Variants in SAMD3 observed in about 807,000 individuals in gnomAD.
SAMD3 encodes the protein sterile alpha motif domain containing 3.
In SAMD3, 63 loss-of-function variants were observed where a neutral mutation model predicts 58.5. That is an observed-to-expected ratio of 1.08 (90% confidence interval 0.88 to 1.33). SAMD3 has a LOEUF of 1.33. SAMD3 is among the 40% of genes most tolerant of loss of function. SAMD3 has a pLI of 0.00. For synonymous variants in SAMD3, 220 were observed against 210.3 expected (o/e 1.05, Z -0.40); for missense variants, 604 against 608.4 (o/e 0.99, Z 0.08).
intron 4 of SAMD3, among the ~76,000 whole-genome samples, chr6:130,214,021 A>G (rs190615890): frequency 6.6e-6 from 1 of 152,290 alleles, no homozygotes; most frequent in Admixed American, 6.5e-5. Context: ...TTTTAAAACC[A>G]GAGCTTCAGG....
chr6:130,212,672 C>T (rs1168309557), intron 4 of SAMD3, among the ~76,000 whole-genome samples: 1 of 152,188 alleles, frequency 6.6e-6, no homozygotes, highest in Non-Finnish European at 1.5e-5. Flanking sequence ...GCCCAGGTTT[C>T]CTGGCAGTCC....
Position 130,344,969 on chromosome 6 carries a change from C to T in SAMD3, c.-304+20151G>A, listed in dbSNP as rs193234298. Among the ~76,000 whole-genome samples, 512 of 150,868 alleles carry T rather than the reference C, an allele frequency of 3.4e-3. 4 individuals carry two copies. The highest frequency in any genetic ancestry group is 0.012 in the African/African-American group (489 of 41,142). ...CTCCTCTACCAAAATGTCTGCACAA[C>T]TTGTTTTTATCACAGTACACAAATG... On this transcript the variant is annotated intron_variant, in intron 1 of 13. Coordinates refer to the SAMD3 transcript ENST00000368134.
chr6:130,325,367 C>T (rs1776723297), intron 1 of SAMD3, among the ~76,000 whole-genome samples: 1 of 152,114 alleles, frequency 6.6e-6, no homozygotes, highest in Non-Finnish European at 1.5e-5. Context: ...GGCTGGAGAA[C>T]CTGGAGGTCT....
intron 1 of SAMD3, among the ~76,000 whole-genome samples, chr6:130,362,358 C>T (rs115499372): frequency 6.6e-6 from 1 of 152,276 alleles, no homozygotes; most frequent in East Asian, 1.9e-4. Context: ...CAGGCACTAA[C>T]GAAAGAATGA....
chr6:130,165,962 G>A (rs1384702761), intron 8 of SAMD3, among the ~76,000 whole-genome samples: 2 of 152,000 alleles, frequency 1.3e-5, no homozygotes, highest in East Asian at 1.9e-4. Flanking sequence ...GACCAGATAC[G>A]ACCTCCTTCA....
chr6:130,174,766 C>A (rs1791572259), intron 8 of SAMD3, among the ~76,000 whole-genome samples: 1 of 152,134 alleles, frequency 6.6e-6, no homozygotes, highest in South Asian at 2.1e-4. Context: ...GTCTTTTTGT[C>A]AAAGAACAGT....
At chr6:130,241,825 T>A (rs1014734547) in intron 2 of SAMD3, among the ~76,000 whole-genome samples, 3 of 152,238 alleles carry the variant, frequency 2.0e-5, no homozygotes. Context: ...TTTTTAATTT[T>A]AATTTTTTTT....
intron 1 of SAMD3, among the ~76,000 whole-genome samples, chr6:130,355,337 T>C (rs1413789806): frequency 6.6e-6 from 1 of 152,106 alleles, no homozygotes; most frequent in East Asian, 1.9e-4. Context: ...GGCAGGAGAA[T>C]CATTTGAACC....
chr6:130,321,627 C>T (rs998758472), intron 1 of SAMD3, among the ~76,000 whole-genome samples: 1 of 152,068 alleles, frequency 6.6e-6, no homozygotes, highest in African/African-American at 2.4e-5. Flanking sequence ...TGTTTTTTCT[C>T]ATTCAAGACA....
intron 1 of SAMD3, among the ~76,000 whole-genome samples, chr6:130,351,791 T>G (rs1050386364): frequency 6.6e-6 from 1 of 152,030 alleles, no homozygotes; most frequent in Non-Finnish European, 1.5e-5. Flanking sequence ...CTATTCACAA[T>G]AGCAAAGATT....
At position 130,342,537 on chromosome 6, in the gene SAMD3, G is replaced by A. The variant is rs1282965044; in HGVS notation, c.-304+22583C>T. On this transcript the variant is annotated intron_variant, in intron 1 of 13. Transcript: ENST00000368134. ...CTTTAGAGACTCTGTAAACTACAGT[G>A]TATTCTTATTTTTTAAGGAATTTCT... Among the ~76,000 whole-genome samples the A allele has an allele frequency of 3.9e-5, 6 of 152,066 alleles. No homozygotes were observed. In the South Asian group the frequency reaches 1.0e-3, roughly 26 times the overall value.
At chr6:130,229,036 T>C (rs1325287563) in intron 2 of SAMD3, among the ~76,000 whole-genome samples, 1 of 152,200 alleles carries the variant, frequency 6.6e-6, no homozygotes, top group Non-Finnish European at 1.5e-5. Context: ...AGGACTTCCC[T>C]AGACTGGAGA....
intron 8 of SAMD3, among the ~76,000 whole-genome samples, chr6:130,168,070 C>G (rs1790884640): frequency 6.6e-6 from 1 of 152,128 alleles, no homozygotes; most frequent in Admixed American, 6.6e-5. Context: ...AGATCTGCCC[C>G]CTCTGCTCAG....
intron 5 of SAMD3, among the ~76,000 whole-genome samples, chr6:130,195,299 C>T (rs1443275419): frequency 2.0e-5 from 3 of 152,126 alleles, no homozygotes; most frequent in Non-Finnish European, 4.4e-5. Flanking sequence ...TCATTAAAAC[C>T]TAATCACCTT....
At chr6:130,351,283 A>G (rs1216876950) in intron 1 of SAMD3, among the ~76,000 whole-genome samples, 1 of 152,230 alleles carries the variant, frequency 6.6e-6, no homozygotes, top group African/African-American at 2.4e-5. Flanking sequence ...ATCAGAGTGA[A>G]CAGGCAACCT....
rs1283081257 is a variant in SAMD3 at position 130,144,413 on chromosome 6, A to G, written c.*107T>C. The G allele has an allele frequency of 8.2e-6, 8 of 974,794 alleles. No homozygotes were observed. Among genetic ancestry groups the G allele is most frequent in the Non-Finnish European group, 1.1e-5 (7 of 658,722 alleles). 60.4% of individuals were successfully genotyped at this position (974,794 alleles called of 1,614,324 possible). A position where few individuals can be genotyped will look rare whatever the true frequency, so the allele number is the denominator to read the frequency against. On this transcript the variant is annotated 3_prime_UTR_variant, in exon 12 of 12. Coordinates refer to ENST00000439090, the MANE Select transcript of SAMD3 (RefSeq NM_001017373.4). ...AAATTCATTAGCATCTATAAATACA[A>G]GATGATTTTCTCATACCTACCTCTA...
chr6:130,308,359 T>TATTCTATTCTATTCTATTCTATTC lies in SAMD3; in HGVS notation c.-188+4595_-188+4618dup, dbSNP rs1562512700. Among the ~76,000 whole-genome samples, 54 of 24,280 alleles carry TATTCTATTCTATTCTATTCTATTC rather than the reference T, an allele frequency of 2.2e-3. 1 individual carries two copies. The highest frequency in any genetic ancestry group is 7.8e-3 in the African/African-American group (54 of 6,948). The allele number at this position is 24,280 out of a possible 152,430, so 15.9% of individuals were successfully genotyped here. ...TTGGCAAGTTCATAGAATTCTATTC[T>TATTCTATTCTATTCTATTCTATTC]ATTCTATTCTATTCTATTCTATTCT... On this transcript the variant is annotated intron_variant, in intron 2 of 13. Coordinates refer to the SAMD3 transcript ENST00000368134.
intron 2 of SAMD3, among the ~76,000 whole-genome samples, chr6:130,287,888 T>G (rs1471308444): frequency 6.7e-6 from 1 of 148,484 alleles, no homozygotes; most frequent in Admixed American, 6.8e-5. Flanking sequence ...GAGGTTGCAG[T>G]GAGCTGAGAT....
intron 2 of SAMD3, among the ~76,000 whole-genome samples, chr6:130,261,103 T>A (rs974578340): frequency 6.6e-6 from 1 of 151,560 alleles, no homozygotes; most frequent in Non-Finnish European, 1.5e-5. Context: ...GGTTTTGGTT[T>A]TGACTTGGTT....
Sources: allele counts gnomAD v4.1 joint callset (sites outside exome capture counted in the v4.1 genomes callset), GRCh38; gene constraint gnomAD v4.1.1; transcripts MANE v1.5; gene names NCBI Gene and HGNC (gene_info 2026-07-23, HGNC 2026-07-21).